Variants in SPTLC1 observed in about 807,000 individuals in gnomAD.
The protein encoded by SPTLC1 is serine palmitoyltransferase long chain base subunit 1.
In SPTLC1, 55 loss-of-function variants were observed where a neutral mutation model predicts 68.9. The ratio of observed to expected loss-of-function variants is 0.80; its 90% CI spans 0.64 to 1.00. The LOEUF (loss-of-function observed/expected upper bound fraction) is 1.00, where lower values mean the gene tolerates loss of function less well. Among genes scored for constraint, SPTLC1 ranks in the 50% least tolerant of loss-of-function variants. The probability of loss-of-function intolerance (pLI) is 0.00; values close to 1 mark genes in which losing one functional copy is unlikely to be tolerated. For synonymous variants in SPTLC1, 197 were observed against 201.6 expected, an observed-to-expected ratio of 0.98 and a Z score of 0.19; for missense variants, 449 against 573.1, an observed-to-expected ratio of 0.78 and a Z score of 2.21.
At position 92,105,057 on chromosome 9, in the gene SPTLC1, T is replaced by C. The variant is rs199633769; in HGVS notation, c.260+3683A>G. ...TTGAAGGTGCTGGGTAAAGACCACC[T>C]GCCCAGCTCTCCAGGCTTGCTGATG... On this transcript the variant is annotated intron_variant, in intron 3 of 14. Coordinates refer to ENST00000262554, the MANE Select transcript of SPTLC1 (RefSeq NM_006415.4). The C allele has an allele frequency of 8.8e-5, 135 of 1,529,866 alleles. 1 individual carries two copies. Among genetic ancestry groups the C allele is most frequent in the South Asian group, 7.3e-4 (61 of 83,880 alleles). The allele number at this position is 1,529,866 out of a possible 1,614,324, so 94.8% of individuals were successfully genotyped here.
At chr9:92,109,955 A>G (rs900285045) in intron 2 of SPTLC1, 1 of 152,254 alleles carries the variant, frequency 6.6e-6, no homozygotes, top group African/African-American at 2.4e-5. Context: ...CCTGGGCAAC[A>G]AGAGCGAAAC....
At chr9:92,062,777 C>G (rs985114631) in intron 6 of SPTLC1, among the ~76,000 whole-genome samples, 5 of 152,044 alleles carry the variant, frequency 3.3e-5, no homozygotes, top group African/African-American at 1.2e-4. Context: ...TCAAGGCCAA[C>G]CAGAGCAAAA....
chr9:92,039,810 C>G (rs888650235), intron 12 of SPTLC1, among the ~76,000 whole-genome samples: 10 of 152,144 alleles, frequency 6.6e-5, no homozygotes. Context: ...GCCTTCCAAT[C>G]ACCCTTGGAA....
chr9:92,045,811 A>G (rs1252032844), intron 12 of SPTLC1, among the ~76,000 whole-genome samples, 188 bp downstream of exon 12: 2 of 152,340 alleles, frequency 1.3e-5, no homozygotes, highest in Admixed American at 6.5e-5. Flanking sequence ...TCAGAAAAAC[A>G]AAGTCACGAT....
At chr9:92,043,613 G>C (rs918139033) in intron 12 of SPTLC1, among the ~76,000 whole-genome samples, 2 of 152,116 alleles carry the variant, frequency 1.3e-5, no homozygotes, top group African/African-American at 4.8e-5. Flanking sequence ...CCCTGCATAT[G>C]AACTTCTGCT....
At chr9:92,079,437 A>G in intron 5 of SPTLC1, 1 of 1,594,350 alleles carries the variant, frequency 6.3e-7, no homozygotes, top group South Asian at 1.1e-5. Context: ...AAACAACCAT[A>G]AAATGCCGGT....
At position 92,046,059 on chromosome 9, in the gene SPTLC1, T is replaced by C. The variant is rs1233930618; in HGVS notation, c.1082-6A>G. 1.9e-6 allele frequency: 3 copies of C among 1,611,810 alleles called. No homozygotes were observed. Among genetic ancestry groups the C allele is most frequent in the Non-Finnish European group, 8.5e-7 (1 of 1,178,666 alleles). On this transcript the variant is annotated splice_region_variant and splice_polypyrimidine_tract_variant and intron_variant, in intron 11 of 14. Coordinates refer to ENST00000262554, the MANE Select transcript of SPTLC1 (RefSeq NM_006415.4). ...CTTCAACACTGCAAAAATACCTAGA[T>C]GAAAAAAATACGTTTGAGAGTCTAT...
At chr9:92,034,354 C>A (rs1833069842) in intron 14 of SPTLC1, among the ~76,000 whole-genome samples, 1 of 152,240 alleles carries the variant, frequency 6.6e-6, no homozygotes, top group South Asian at 2.1e-4. Context: ...TTTCTTGATG[C>A]TGTACATTTT....
intron 5 of SPTLC1, among the ~76,000 whole-genome samples, chr9:92,076,146 C>T (rs751091681): frequency 1.4e-4 from 22 of 152,140 alleles, no homozygotes; most frequent in Non-Finnish European, 2.9e-4. Flanking sequence ...ATCTAATTGA[C>T]TCTAAATACG....
chr9:92,050,070 A>AGTTCC lies in SPTLC1; in HGVS notation c.781-4_781-3insGGAAC, dbSNP rs775833229. 3 of 1,572,264 alleles carry AGTTCC rather than the reference A, an allele frequency of 1.9e-6. No individual in the cohort carries two copies. In the African/African-American group the frequency reaches 4.0e-5, roughly 21 times the overall value. ...TTGTATTTGTATTTTAACTTAACCT[A>AGTTCC]AGTGTTATATAAACGTTAAAATACT... is the stretch of plus-strand genomic sequence containing the variant. On this transcript the variant is annotated splice_region_variant and splice_polypyrimidine_tract_variant and intron_variant, in intron 8 of 14. Transcript: ENST00000262554.
rs193278340 is a variant in SPTLC1, at chr9:92,104,580, G to C, written c.260+4160C>G. 6.7e-6 allele frequency: 10 copies of C among 1,488,530 alleles called. No individual in the cohort carries two copies. In the African/African-American group the frequency reaches 8.3e-5, roughly 12 times the overall value. 92.2% of individuals were successfully genotyped at this position (1,488,530 alleles called of 1,614,324 possible). A position where few individuals can be genotyped will look rare whatever the true frequency, so the allele number is the denominator to read the frequency against. On this transcript the variant is annotated intron_variant, in intron 3 of 14. Coordinates refer to ENST00000262554, the MANE Select transcript of SPTLC1 (RefSeq NM_006415.4). ...AGCCCCGTGAGGATCTCTTGTCTCA[G>C]AGGCAAGTTTAACCTTCAACTTCCT...
intron 3 of SPTLC1, chr9:92,108,341 C>G (rs1198587410): frequency 4.7e-6 from 1 of 211,768 alleles, no homozygotes; most frequent in Non-Finnish European, 9.7e-6. Context: ...CAGGTGTTGT[C>G]TGTAGTTGAT....
intron 5 of SPTLC1, among the ~76,000 whole-genome samples, chr9:92,070,958 G>C (rs1834460144): frequency 6.6e-6 from 1 of 152,110 alleles, no homozygotes; most frequent in Non-Finnish European, 1.5e-5. Context: ...TCACTTACAA[G>C]GAGGAGAGAT....
At chr9:92,044,369 A>G (rs1833443316) in intron 12 of SPTLC1, among the ~76,000 whole-genome samples, 1 of 152,336 alleles carries the variant, frequency 6.6e-6, no homozygotes, top group Non-Finnish European at 1.5e-5. Context: ...CCAAAGAAGG[A>G]AAGAGTGGTC....
intron 11 of SPTLC1, 25 bp from the exon 12 acceptor site, chr9:92,046,078 A>G (rs1435500510): frequency 1.9e-6 from 3 of 1,599,874 alleles, no homozygotes; most frequent in Non-Finnish European, 2.6e-6. Context: ...TACGTTTGAG[A>G]GTCTATTTGA....
chr9:92,045,727 G>C (rs754609385), intron 12 of SPTLC1, among the ~76,000 whole-genome samples: 5 of 152,108 alleles, frequency 3.3e-5, no homozygotes, highest in Non-Finnish European at 5.9e-5. Context: ...CTGGTGGTAA[G>C]ATGTTGGGTT....
chr9:92,108,659 C>T lies in SPTLC1; in HGVS notation c.260+81G>A, dbSNP rs115934100. The T allele has an allele frequency of 3.6e-4, 575 of 1,578,790 alleles. 5 individuals are homozygous for T. The African/African-American group carries it at 6.4e-3, about 17-fold the overall frequency. ...TGTTTTGTTTCAGATAAAAAAAGGA[C>T]TACTACATATAAAGCACTATAGACT... is the stretch of plus-strand genomic sequence containing the variant. On this transcript the variant is annotated intron_variant, in intron 3 of 14. Transcript: ENST00000262554.
At chr9:92,104,530 C>T in intron 3 of SPTLC1, 1 of 1,426,432 alleles carries the variant, frequency 7.0e-7, no homozygotes, top group South Asian at 1.2e-5. Flanking sequence ...TGTCTGCTCG[C>T]AACTCCAGGA....
chr9:92,042,907 A>G (rs1321218241), intron 12 of SPTLC1, among the ~76,000 whole-genome samples: 1 of 152,250 alleles, frequency 6.6e-6, no homozygotes, highest in Admixed American at 6.5e-5. Flanking sequence ...AACCAGTAGG[A>G]GAAAGGATGT....
Sources: gnomAD v4.1 joint callset for allele counts (sites outside exome capture counted in the v4.1 genomes callset) on GRCh38, gnomAD v4.1.1 for gene constraint, MANE v1.5 for transcripts, NCBI Gene and HGNC (gene_info 2026-07-23, HGNC 2026-07-21) for gene names.